The following SCUBE2 variants were observed in gnomAD, a reference collection of about 807,000 sequenced individuals.
The protein encoded by SCUBE2 is signal peptide, CUB domain and EGF like domain containing 2.
In SCUBE2, 114 loss-of-function variants were observed where a neutral mutation model predicts 125.9. The observed-to-expected ratio is 0.91, with a 90% CI of 0.78 to 1.06. SCUBE2 has a LOEUF of 1.06. Among genes scored for constraint, SCUBE2 ranks in the 50% least tolerant of loss-of-function variants. SCUBE2 has a pLI of 0.00. For synonymous variants in SCUBE2, 459 were observed against 492.9 expected, an observed-to-expected ratio of 0.93 and a Z score of 0.91; for missense variants, 1,255 against 1,301.8, an observed-to-expected ratio of 0.96 and a Z score of 0.55.
In SCUBE2 at chr11:9,053,625, G is replaced by A. The variant is rs368645139; in HGVS notation, c.1330+12C>T. On this transcript the variant is annotated intron_variant, in intron 11 of 22. Transcript: ENST00000649792. Reference sequence around the variant, plus strand: ...AGCCTGCTGTCTGAGTCTGTGCCTCGGTTCCCCTTACCCACACAGTCTTTT... The same window carrying A: ...AGCCTGCTGTCTGAGTCTGTGCCTCAGTTCCCCTTACCCACACAGTCTTTT... The A allele has an allele frequency of 9.7e-5, 156 of 1,613,390 alleles. No homozygotes were observed. Among genetic ancestry groups the A allele is most frequent in the African/African-American group, 2.3e-4 (17 of 75,028 alleles).
At chr11:9,046,465 T>G (rs1033880228) in intron 16 of SCUBE2, among the ~76,000 whole-genome samples, 1 of 152,160 alleles carries the variant, frequency 6.6e-6, no homozygotes, top group African/African-American at 2.4e-5. Flanking sequence ...TTAGGTTTTC[T>G]TGACTTTTTA....
At chr11:9,086,135 A>G (rs148544174) in intron 2 of SCUBE2, among the ~76,000 whole-genome samples, 3 of 152,324 alleles carry the variant, frequency 2.0e-5, no homozygotes, top group Non-Finnish European at 2.9e-5. Context: ...CAATTCCTCA[A>G]ACTGAGAAGT....
chr11:9,040,328 G>T (rs1393377403), intron 16 of SCUBE2, among the ~76,000 whole-genome samples: 1 of 152,188 alleles, frequency 6.6e-6, no homozygotes, highest in Non-Finnish European at 1.5e-5. Flanking sequence ...ATGTGAATGT[G>T]GTCTCTCTCT....
intron 10 of SCUBE2, 128 bp from the exon 11 acceptor site, chr11:9,053,887 A>G: frequency 8.4e-7 from 1 of 1,191,624 alleles, no homozygotes; most frequent in Non-Finnish European, 1.2e-6. Flanking sequence ...AAGACACTGA[A>G]TGCCTTTAGC....
At chr11:9,043,086 C>G (rs947644990) in intron 16 of SCUBE2, among the ~76,000 whole-genome samples, 8 of 152,244 alleles carry the variant, frequency 5.3e-5, no homozygotes, top group African/African-American at 1.9e-4. Flanking sequence ...GCAACATATC[C>G]AAGGTTGCTG....
rs1566151025 is a variant in SCUBE2 at position 9,021,030 on chromosome 11, G to A, written c.*15C>T. On this transcript the variant is annotated 3_prime_UTR_variant, in exon 23 of 23. Coordinates refer to ENST00000649792, the MANE Select transcript of SCUBE2 (RefSeq NM_001367977.2). ...CTATAGCAGAACATTTGTATTGAGTGGCACGTGGGCTGAGTCATTTGTAAG... is the reference window on the plus strand; with the variant it reads ...CTATAGCAGAACATTTGTATTGAGTAGCACGTGGGCTGAGTCATTTGTAAG... 9 of 1,608,758 alleles carry A rather than the reference G, an allele frequency of 5.6e-6. No homozygotes were observed. The highest frequency in any genetic ancestry group is 2.7e-5 in the African/African-American group (2 of 73,508).
chr11:9,087,200 A>C (rs149068718), intron 2 of SCUBE2, among the ~76,000 whole-genome samples: 100 of 152,324 alleles, frequency 6.6e-4, no homozygotes, highest in East Asian at 5.2e-3. Flanking sequence ...TTTCATTTGA[A>C]ATATATCAAA....
chr11:9,078,603 T>C (rs1861387223), intron 3 of SCUBE2, among the ~76,000 whole-genome samples: 1 of 152,178 alleles, frequency 6.6e-6, no homozygotes, highest in Non-Finnish European at 1.5e-5. Context: ...GCTCCGCTGC[T>C]CCTTAGTTGG....
At chr11:9,029,194 C>T (rs1170956633) in intron 19 of SCUBE2, among the ~76,000 whole-genome samples, 1 of 152,202 alleles carries the variant, frequency 6.6e-6, no homozygotes, top group Non-Finnish European at 1.5e-5. Flanking sequence ...ACAGCAAGTC[C>T]TTAAATGATT....
chr11:9,035,977 C>A (rs183160878), intron 16 of SCUBE2, among the ~76,000 whole-genome samples: 1 of 152,312 alleles, frequency 6.6e-6, no homozygotes, highest in East Asian at 1.9e-4. Flanking sequence ...CAACCTCCGC[C>A]TCCTGGGTTC....
chr11:9,091,359 T>C lies in SCUBE2; in HGVS notation c.133+37A>G. The C allele has an allele frequency of 1.6e-6, 2 of 1,288,242 alleles. No individual in the cohort carries two copies. Among genetic ancestry groups the C allele is most frequent in the Non-Finnish European group, 2.0e-6 (2 of 1,019,694 alleles). The allele number at this position is 1,288,242 out of a possible 1,614,324, so 79.8% of individuals were successfully genotyped here. On this transcript the variant is annotated intron_variant, in intron 1 of 22. Transcript: ENST00000649792. The surrounding 1 kb of genome is among the most constrained non-coding windows in gnomAD (Gnocchi z 8.5). The stretch of plus-strand genomic sequence containing the variant: ...CCTAAACACTCTTCCTGGCCCTGCC[T>C]GCTGTGCCAGGTGCGCCCCCGCGGC...
chr11:9,039,908 A>T (rs2135279476), intron 16 of SCUBE2, among the ~76,000 whole-genome samples: 1 of 152,362 alleles, frequency 6.6e-6, no homozygotes, highest in South Asian at 2.1e-4. Context: ...GTTTTTAACT[A>T]AACTAACCAT....
intron 7 of SCUBE2, among the ~76,000 whole-genome samples, chr11:9,063,452 A>G (rs919323013): frequency 1.3e-5 from 2 of 152,210 alleles, no homozygotes; most frequent in African/African-American, 4.8e-5. Context: ...CAGGTTTCAC[A>G]CAAAGGATCA....
At chr11:9,047,267 G>C in intron 16 of SCUBE2, 89 bp downstream of exon 16, 11 of 1,325,612 alleles carry the variant, frequency 8.3e-6, no homozygotes, top group Non-Finnish European at 1.2e-5. Context: ...CCCTGAGAAG[G>C]GAGGATGGGC....
At chr11:9,055,562 C>T (rs890155676) in intron 10 of SCUBE2, among the ~76,000 whole-genome samples, 2 of 152,232 alleles carry the variant, frequency 1.3e-5, no homozygotes, top group African/African-American at 4.8e-5. Context: ...GCTGGAAGAG[C>T]TCAGTTCTTC....
In SCUBE2 at chr11:9,089,794, G is replaced by GGCAGTCATCTAGCCCTTGGGC; in HGVS notation, c.148_168dup (p.Ala50_Cys56dup). The stretch of plus-strand genomic sequence containing the variant: ...GTGTTCTGACACAGGGCGTCGGCAT[G>GGCAGTCATCTAGCCCTTGGGC]GCAGTCATCTAGCCCTTGGGCACAC... On this transcript the variant is annotated inframe_insertion, in exon 2 of 23. Transcript: ENST00000649792. 1 of 1,613,966 alleles carries GGCAGTCATCTAGCCCTTGGGC rather than the reference G, an allele frequency of 6.2e-7. No individual in the cohort carries two copies.
intron 4 of SCUBE2, among the ~76,000 whole-genome samples, chr11:9,072,438 G>A (rs1860883091): frequency 6.6e-6 from 1 of 152,136 alleles, no homozygotes; most frequent in South Asian, 2.1e-4. Flanking sequence ...TCGATCTCCT[G>A]ACCTCGTGAT....
chr11:9,022,292 A>G (rs1855371330), intron 21 of SCUBE2, among the ~76,000 whole-genome samples: 2 of 152,066 alleles, frequency 1.3e-5, no homozygotes, highest in Non-Finnish European at 2.9e-5. Context: ...TTTCTTTCCT[A>G]CATGATACAT....
Position 9,029,998 on chromosome 11 carries a change from T to C in SCUBE2, c.2389A>G (p.Ile797Val). ...TGGTATGTTCCCACTGGGCAACGAA[T>C]ACATCGGTGAGTGGTGGTGTTGTAG... ...HFYNTTTHRC[I>V]RCPVGTYQPE... Residue 797 changes from isoleucine to valine, a missense_variant, in exon 19 of 23, where the codon ATT becomes GTT. This residue lies in a region of SCUBE2 where 515 missense variants were observed against 515.7 expected (regional missense o/e 1.00). Transcript: ENST00000649792. 1 of 1,614,220 alleles carries C rather than the reference T, an allele frequency of 6.2e-7. No individual in the cohort carries two copies. The highest frequency in any genetic ancestry group is 1.3e-5 in the African/African-American group (1 of 75,068).
Sources: allele counts gnomAD v4.1 joint callset (sites outside exome capture counted in the v4.1 genomes callset), GRCh38; gene constraint gnomAD v4.1.1; regional missense constraint gnomAD v4.1.1; non-coding constraint Gnocchi (gnomAD v3.1); transcripts MANE v1.5; gene names NCBI Gene and HGNC (gene_info 2026-07-23, HGNC 2026-07-21).